Variants in PDE1A observed in about 807,000 individuals in gnomAD.
PDE1A encodes dual specificity calcium/calmodulin-dependent 3',5'-cyclic nucleotide phosphodiesterase 1A.
A neutral mutation model predicts 61.7 loss-of-function variants in PDE1A; 35 were observed. That is an observed-to-expected ratio of 0.57 (90% CI 0.43 to 0.75). The LOEUF (loss-of-function observed/expected upper bound fraction) is 0.75. Ranked by LOEUF, PDE1A falls within the 30% of genes least tolerant of loss-of-function variation. PDE1A has a pLI of 0.00. For missense variants in PDE1A, 597 were observed against 630.6 expected, an observed-to-expected ratio of 0.95 and a Z score of 0.57; for synonymous variants, 232 against 213.2, an observed-to-expected ratio of 1.09 and a Z score of -0.77.
At chr2:182,636,859 C>A in the PDE1A span, among the ~76,000 whole-genome samples, 1 of 152,222 alleles carries the variant, frequency 6.6e-6, no homozygotes, top group African/African-American at 2.4e-5. Context: ...CATTAAGGTC[C>A]CTATTTCCTT....
At chr2:182,420,987 A>G (rs192271275) in intron 1 of PDE1A, among the ~76,000 whole-genome samples, 47 of 152,302 alleles carry the variant, frequency 3.1e-4, no homozygotes, top group African/African-American at 1.1e-3. Context: ...CACAGAACTG[A>G]GAAGACTAGG....
chr2:182,502,866 C>A (rs1258297796), intron 2 of PDE1A, among the ~76,000 whole-genome samples: 3 of 152,056 alleles, frequency 2.0e-5, no homozygotes, highest in African/African-American at 7.2e-5. Context: ...TACCCCAAAC[C>A]CCACTGGGAA....
chr2:182,209,233 C>T (rs933066100), intron 7 of PDE1A, among the ~76,000 whole-genome samples: 3 of 152,120 alleles, frequency 2.0e-5, no homozygotes, highest in African/African-American at 7.2e-5. Context: ...GCAAGTCTCA[C>T]ATGGTGGCCG....
chr2:182,635,525 A>G, the PDE1A span, among the ~76,000 whole-genome samples: 3 of 152,156 alleles, frequency 2.0e-5, no homozygotes, highest in African/African-American at 7.2e-5. Context: ...GAAAAACCAT[A>G]ATTTATTTAA....
chr2:182,546,485 T>G, the PDE1A span, among the ~76,000 whole-genome samples: 1 of 152,070 alleles, frequency 6.6e-6, no homozygotes, highest in South Asian at 2.1e-4. Flanking sequence ...AAGGCCCCTA[T>G]AAGGCCCTGT....
At chr2:182,192,938 T>C (rs1685826597) in intron 10 of PDE1A, among the ~76,000 whole-genome samples, 1 of 152,148 alleles carries the variant, frequency 6.6e-6, no homozygotes, top group South Asian at 2.1e-4. Context: ...TGTTGTTTGT[T>C]TTTTGCATTT....
chr2:182,269,801 T>C (rs79811581), intron 1 of PDE1A, among the ~76,000 whole-genome samples: 18 of 152,258 alleles, frequency 1.2e-4, no homozygotes, highest in African/African-American at 4.3e-4. Context: ...ATGTTAATTT[T>C]CTTGTTATAT....
chr2:182,704,485 A>T, the PDE1A span, among the ~76,000 whole-genome samples: 1 of 152,192 alleles, frequency 6.6e-6, no homozygotes, highest in Non-Finnish European at 1.5e-5. Context: ...TAAATATACG[A>T]TTCTTGGGAG....
At chr2:182,309,445 C>A (rs1695818214) in intron 1 of PDE1A, among the ~76,000 whole-genome samples, 2 of 151,920 alleles carry the variant, frequency 1.3e-5, no homozygotes. Flanking sequence ...AAATGTGGCA[C>A]CTAGAAAATA....
intron 1 of PDE1A, among the ~76,000 whole-genome samples, chr2:182,331,179 G>A (rs1697383192): frequency 6.6e-6 from 1 of 152,180 alleles, no homozygotes; most frequent in South Asian, 2.1e-4. Flanking sequence ...GGGAGTGGAT[G>A]ACTATAAACA....
chr2:182,455,036 C>A (rs1685808981), intron 2 of PDE1A, among the ~76,000 whole-genome samples: 1 of 151,868 alleles, frequency 6.6e-6, no homozygotes, highest in Non-Finnish European at 1.5e-5. Context: ...CCAGAATCTA[C>A]AATGAACTCA....
At chr2:182,160,176 C>G (rs1483035014) in intron 13 of PDE1A, among the ~76,000 whole-genome samples, 3 of 152,102 alleles carry the variant, frequency 2.0e-5, no homozygotes, top group Non-Finnish European at 4.4e-5. Context: ...GTTCTAGAGT[C>G]CTGGATCCTA....
At chr2:182,478,731 T>C (rs1266073003) in intron 2 of PDE1A, among the ~76,000 whole-genome samples, 1 of 151,896 alleles carries the variant, frequency 6.6e-6, no homozygotes, top group Admixed American at 6.6e-5. Flanking sequence ...CAAACTCTTT[T>C]CTTAGTGTGT....
At chr2:182,701,461 A>T in the PDE1A span, among the ~76,000 whole-genome samples, 1 of 117,500 alleles carries the variant, frequency 8.5e-6, no homozygotes, top group Non-Finnish European at 2.1e-5. Context: ...GCTCAATGCA[A>T]CTTGCACCTC....
At chr2:182,225,963 T>C (rs1689108224) in intron 6 of PDE1A, among the ~76,000 whole-genome samples, 2 of 149,738 alleles carry the variant, frequency 1.3e-5, no homozygotes, top group South Asian at 4.1e-4. Context: ...AGTTACCTTA[T>C]AGAGGTCTGA....
At chr2:182,342,063 C>A (rs561318257) in intron 1 of PDE1A, among the ~76,000 whole-genome samples, 50 of 152,168 alleles carry the variant, frequency 3.3e-4, no homozygotes, top group Non-Finnish European at 6.3e-4. Context: ...AGCCACCACA[C>A]CCGGCCCTTT....
intron 13 of PDE1A, among the ~76,000 whole-genome samples, chr2:182,148,726 C>T (rs1049199452): frequency 1.3e-5 from 2 of 152,172 alleles, no homozygotes; most frequent in Non-Finnish European, 2.9e-5. Context: ...TCCTTTGGCT[C>T]ACCTGCCACC....
chr2:182,608,352 C>T, the PDE1A span, among the ~76,000 whole-genome samples: 1 of 152,236 alleles, frequency 6.6e-6, no homozygotes, highest in African/African-American at 2.4e-5. Flanking sequence ...GGCGCCTCCT[C>T]GGCCTTGGCG....
chr2:182,374,971 G>A (rs939420774), intron 1 of PDE1A, among the ~76,000 whole-genome samples: 2 of 152,122 alleles, frequency 1.3e-5, no homozygotes, highest in African/African-American at 2.4e-5. Context: ...ATGCAAAAGT[G>A]GAAACCCCTC....
Sources: allele counts gnomAD v4.1 joint callset (sites outside exome capture counted in the v4.1 genomes callset), GRCh38; gene constraint gnomAD v4.1.1; transcripts MANE v1.5; gene names NCBI Gene and HGNC (gene_info 2026-07-23, HGNC 2026-07-21).